The following FIGNL2 variants were observed in gnomAD, a reference collection of about 807,000 sequenced individuals.
FIGNL2 encodes the protein fidgetin like 2.
For synonymous variants in FIGNL2, 565 were observed against 484.0 expected, an observed-to-expected ratio of 1.17 and a Z score of -2.20; for missense variants, 1,060 against 950.2, an observed-to-expected ratio of 1.12 and a Z score of -1.52.
chr12:51,820,981 G>A lies in FIGNL2; in HGVS notation c.1433C>T (p.Ala478Val). The A allele has an allele frequency of 1.6e-6, 2 of 1,213,694 alleles. No individual in the cohort carries two copies. The highest frequency in any genetic ancestry group is 3.9e-5 in the South Asian group (1 of 25,950). The allele number at this position is 1,213,694 out of a possible 1,614,324, so 75.2% of individuals were successfully genotyped here. A position where few individuals can be genotyped will look rare whatever the true frequency, so the allele number is the denominator to read the frequency against. ...GGAGGGTGGGCGGCAGCGCGCGGCC[G>A]CGAAGGCGGCCTGGAGGAGGCGCGC... Reference protein sequence around the residue: ...EGARLLQAAFAAARCRPPSVL... With the variant: ...EGARLLQAAFVAARCRPPSVL... The change falls in exon 2 of 2, where the codon GCG (alanine) becomes GTG (valine). Residue 478 changes from alanine (A) to valine (V), a missense_variant. Ala to Val is a moderately conservative substitution (Grantham distance 64). Transcript: ENST00000618634.
chr12:51,838,159 G>A (rs888046919), intron 1 of FIGNL2: 1 of 152,352 alleles, frequency 6.6e-6, no homozygotes, highest in Non-Finnish European at 1.5e-5. Context: ...AGCTATGTTG[G>A]AGCAGGTCAG....
intron 1 of FIGNL2, among the ~76,000 whole-genome samples, chr12:51,839,554 G>A (rs1398384805): frequency 6.6e-6 from 1 of 152,158 alleles, no homozygotes; most frequent in South Asian, 2.1e-4. Flanking sequence ...CTCCTACCAA[G>A]CACAGAGACG....
In FIGNL2 at chr12:51,818,896, T is replaced by G. The variant is rs1224609584; in HGVS notation, c.*1556A>C. 2 of 152,232 alleles carry G rather than the reference T, an allele frequency of 1.3e-5. No individual in the cohort carries two copies. The highest frequency in any genetic ancestry group is 2.9e-5 in the Non-Finnish European group (2 of 68,140). The allele number at this position is 152,232 out of a possible 1,614,324, so 9.4% of individuals were successfully genotyped here. A position where few individuals can be genotyped will look rare whatever the true frequency, so the allele number is the denominator to read the frequency against. On this transcript the variant is annotated 3_prime_UTR_variant, in exon 2 of 2. Coordinates refer to ENST00000618634, the MANE Select transcript of FIGNL2 (RefSeq NM_001384995.1). ...TGGAAAGTTCAGGCAGGACTGAGAC[T>G]AAGCCCCCAAGGTCAGAGAAAACAC...
chr12:51,827,686 C>G (rs1371138280), intron 1 of FIGNL2, among the ~76,000 whole-genome samples: 1 of 152,218 alleles, frequency 6.6e-6, no homozygotes, highest in South Asian at 2.1e-4. Flanking sequence ...AAACAAGTAA[C>G]TTCTCTTTGG....
At position 51,820,323 on chromosome 12, in the gene FIGNL2, C is replaced by A; in HGVS notation, c.*129G>T. On this transcript the variant is annotated 3_prime_UTR_variant, in exon 2 of 2. Coordinates refer to ENST00000618634, the MANE Select transcript of FIGNL2 (RefSeq NM_001384995.1). ...AAAAAAAAAATATCCACCGGCAGACCCCTCCTGTCCCCGATCCCACATTCA... is the reference window on the plus strand; with the variant it reads ...AAAAAAAAAATATCCACCGGCAGACACCTCCTGTCCCCGATCCCACATTCA... 8.2e-7 allele frequency: 1 copy of A among 1,219,656 alleles called. No individual in the cohort carries two copies. Among genetic ancestry groups the A allele is most frequent in the Middle Eastern group, 2.8e-4 (1 of 3,564 alleles). The allele number at this position is 1,219,656 out of a possible 1,614,324, so 75.6% of individuals were successfully genotyped here.
In FIGNL2 at chr12:51,821,457, C is replaced by G; in HGVS notation, c.957G>C (p.Glu319Asp). Residue 319 changes from glutamate (E) to aspartate (D), a missense_variant, in exon 2 of 2, where the codon GAG (glutamate) becomes GAC (aspartate). Physicochemically the swap from Glu to Asp is conservative, Grantham distance 45 (BLOSUM62 2). Coordinates refer to ENST00000618634, the MANE Select transcript of FIGNL2 (RefSeq NM_001384995.1). ...CGCCGCCACCGTACTTGCCCGACGCCTCCTCCGCGGCTCCTGGCGGCTTGG... is the reference window on the plus strand; with the variant it reads ...CGCCGCCACCGTACTTGCCCGACGCGTCCTCCGCGGCTCCTGGCGGCTTGG... ...FRAKPPGAAE[E>D]ASGKYGGGVP... The G allele has an allele frequency of 2.6e-6, 4 of 1,539,856 alleles. No individual in the cohort carries two copies. Among genetic ancestry groups the G allele is most frequent in the Non-Finnish European group, 3.5e-6 (4 of 1,146,548 alleles).
chr12:51,848,269 G>A (rs1939795306), intron 1 of FIGNL2: 1 of 984,974 alleles, frequency 1.0e-6, no homozygotes, highest in African/African-American at 1.7e-5. Flanking sequence ...CCGCACCAGA[G>A]GGGGCTGCGA....
Position 51,848,685 on chromosome 12 carries a change from GGCT to G in FIGNL2, c.-160_-158del, listed in dbSNP as rs1464902817. On this transcript the variant is annotated 5_prime_UTR_variant, in exon 1 of 2. Transcript: ENST00000618634. Reference sequence around the variant, plus strand: ...ACCATCCTGGAGCCGCTGCTGCTGCGGCTGCTGCGGCCGCCGCGGGCGGGAGCG... The same window carrying G: ...ACCATCCTGGAGCCGCTGCTGCTGCGGCTGCGGCCGCCGCGGGCGGGAGCG... 2 of 332,156 alleles carry G rather than the reference GGCT, an allele frequency of 6.0e-6. No homozygotes were observed. The highest frequency in any genetic ancestry group is 2.2e-5 in the African/African-American group (1 of 44,614). The allele number at this position is 332,156 out of a possible 1,614,324, so 20.6% of individuals were successfully genotyped here.
intron 1 of FIGNL2, among the ~76,000 whole-genome samples, chr12:51,833,059 GT>G (rs1939501879): frequency 6.6e-6 from 1 of 151,656 alleles, no homozygotes; most frequent in Non-Finnish European, 1.5e-5. Flanking sequence ...TTTTTGTTTT[GT>G]TTTTTGAGAC....
Position 51,820,919 on chromosome 12 carries a change from C to A in FIGNL2, c.1495G>T (p.Ala499Ser), listed in dbSNP as rs936912697. The A allele has an allele frequency of 7.6e-7, 1 of 1,323,874 alleles. No individual in the cohort carries two copies. The allele number at this position is 1,323,874 out of a possible 1,614,324, so 82.0% of individuals were successfully genotyped here. Residue 499 changes from alanine (A) to serine (S), a missense_variant, in exon 2 of 2, where the codon GCC becomes TCC. Ala to Ser is a moderately conservative substitution (Grantham distance 99). Coordinates refer to ENST00000618634, the MANE Select transcript of FIGNL2 (RefSeq NM_001384995.1). ...LISELEALLP[A>S]RDDGAAAGGA... ...CCTGCCGCCGCGCCGTCGTCCCGGG[C>A]GGGGAGCAGCGCCTCTAGCTCGCTG...
chr12:51,826,883 C>T (rs1372403137), intron 1 of FIGNL2, among the ~76,000 whole-genome samples: 1 of 151,330 alleles, frequency 6.6e-6, no homozygotes, highest in Admixed American at 6.6e-5. Context: ...TGAATACACA[C>T]CAACATGTAT....
chr12:51,827,593 G>A (rs1465353050), intron 1 of FIGNL2, among the ~76,000 whole-genome samples: 6 of 152,152 alleles, frequency 3.9e-5, no homozygotes, highest in African/African-American at 1.4e-4. Context: ...TAAAGATAAT[G>A]TATATAATGG....
intron 1 of FIGNL2, chr12:51,831,821 G>A (rs776086172): frequency 6.5e-6 from 1 of 154,142 alleles, no homozygotes; most frequent in African/African-American, 2.4e-5. Context: ...TGTAGTTCCC[G>A]TTTTAGGAAA....
intron 1 of FIGNL2, chr12:51,848,330 C>CT: frequency 1.0e-6 from 1 of 982,760 alleles, no homozygotes; most frequent in Non-Finnish European, 1.2e-6. Context: ...TGCCCGCCCC[C>CT]TCCCCCCGAG....
At position 51,821,263 on chromosome 12, in the gene FIGNL2, TCCA is replaced by T. The variant is rs1398164437; in HGVS notation, c.1148_1150del (p.Val383del). On this transcript the variant is annotated inframe_deletion, in exon 2 of 2. Transcript: ENST00000618634. ...CGCCCACTGCACCGGGGGCCCGCAG[TCCA>T]CCATCTTGCTCGTCACCAGCTCCAG... 6.6e-7 allele frequency: 1 copy of T among 1,526,072 alleles called. No individual in the cohort carries two copies. Among genetic ancestry groups the T allele is most frequent in the Non-Finnish European group, 8.8e-7 (1 of 1,142,646 alleles). The allele number at this position is 1,526,072 out of a possible 1,614,324, so 94.5% of individuals were successfully genotyped here.
chr12:51,831,221 G>GAA (rs1189394426), intron 1 of FIGNL2, among the ~76,000 whole-genome samples: 1 of 152,154 alleles, frequency 6.6e-6, no homozygotes, highest in Non-Finnish European at 1.5e-5. Flanking sequence ...AAAAAAAGAG[G>GAA]AAAAGAAAGA....
intron 1 of FIGNL2, among the ~76,000 whole-genome samples, chr12:51,830,287 T>C (rs1939427061): frequency 6.8e-6 from 1 of 146,918 alleles, no homozygotes; most frequent in South Asian, 2.1e-4. Context: ...AGTCTCCATC[T>C]CAAAAAAAAA....
chr12:51,826,596 G>A (rs1045888993), intron 1 of FIGNL2, among the ~76,000 whole-genome samples: 2 of 143,948 alleles, frequency 1.4e-5, no homozygotes, highest in African/African-American at 2.6e-5. Flanking sequence ...CCAAGATCGC[G>A]CCATTGCACT....
chr12:51,829,965 G>C (rs960857417), intron 1 of FIGNL2, among the ~76,000 whole-genome samples: 3 of 152,156 alleles, frequency 2.0e-5, no homozygotes, highest in Non-Finnish European at 4.4e-5. Context: ...GGTGACTAGA[G>C]TTAATAAAAG....
Sources: allele counts gnomAD v4.1 joint callset (sites outside exome capture counted in the v4.1 genomes callset), GRCh38; gene constraint gnomAD v4.1.1; transcripts MANE v1.5; gene names NCBI Gene and HGNC (gene_info 2026-07-23, HGNC 2026-07-21).